Variants in DYNC1I1 observed in about 807,000 individuals in gnomAD.
DYNC1I1 encodes the protein dynein cytoplasmic 1 intermediate chain 1, also known as cytoplasmic dynein 1 intermediate chain 1.
In DYNC1I1, 43 loss-of-function variants were observed where a neutral mutation model predicts 86.6. The ratio of observed to expected loss-of-function variants is 0.50; its 90% CI spans 0.39 to 0.64. The LOEUF (loss-of-function observed/expected upper bound fraction) is 0.64, where lower values mean the gene tolerates loss of function less well. DYNC1I1 is among the 30% of genes least tolerant of loss of function. DYNC1I1 has a pLI of 0.00. For synonymous variants in DYNC1I1, 262 were observed against 283.7 expected, an observed-to-expected ratio of 0.92 and a Z score of 0.77; for missense variants, 604 against 788.8, an observed-to-expected ratio of 0.77 and a Z score of 2.81.
intron 6 of DYNC1I1, among the ~76,000 whole-genome samples, chr7:95,972,148 C>T (rs1793189824): frequency 6.6e-6 from 1 of 152,134 alleles, no homozygotes; most frequent in African/African-American, 2.4e-5. Flanking sequence ...CAGGCATCAT[C>T]TCTGGTGGGA....
intron 14 of DYNC1I1, among the ~76,000 whole-genome samples, chr7:96,053,453 T>G (rs918800834): frequency 6.6e-6 from 1 of 152,188 alleles, no homozygotes; most frequent in Non-Finnish European, 1.5e-5. Context: ...GTTTTTAAAT[T>G]TGGGGGGCCA....
chr7:96,010,174 A>G (rs763402366), intron 10 of DYNC1I1, among the ~76,000 whole-genome samples: 27 of 152,180 alleles, frequency 1.8e-4, no homozygotes, highest in Admixed American at 2.6e-4. Flanking sequence ...GGTCAAAAGC[A>G]AGAATAGGTG....
chr7:95,846,165 T>TTA (rs1789420026), intron 5 of DYNC1I1, among the ~76,000 whole-genome samples: 1 of 152,116 alleles, frequency 6.6e-6, no homozygotes, highest in Non-Finnish European at 1.5e-5. Flanking sequence ...TCATTGTCAT[T>TTA]TATATATATT....
At chr7:95,971,966 T>TG (rs1793184134) in intron 6 of DYNC1I1, among the ~76,000 whole-genome samples, 1 of 152,102 alleles carries the variant, frequency 6.6e-6, no homozygotes, top group Admixed American at 6.6e-5. Flanking sequence ...TCTCATGAAA[T>TG]GTCAGGAGCA....
chr7:96,090,102 G>A (rs1362690638), intron 16 of DYNC1I1, among the ~76,000 whole-genome samples: 1 of 152,066 alleles, frequency 6.6e-6, no homozygotes, highest in Non-Finnish European at 1.5e-5. Flanking sequence ...CAGAGAAATA[G>A]ATTGTTCCAA....
At chr7:95,784,222 A>T (rs1794069490) in intron 1 of DYNC1I1, among the ~76,000 whole-genome samples, 1 of 152,170 alleles carries the variant, frequency 6.6e-6, no homozygotes, top group Admixed American at 6.5e-5. Flanking sequence ...ATTCAGGTCT[A>T]TCGGGGGTAC....
chr7:96,045,585 G>A (rs1584274899), intron 14 of DYNC1I1, among the ~76,000 whole-genome samples: 1 of 152,202 alleles, frequency 6.6e-6, no homozygotes, highest in South Asian at 2.1e-4. Context: ...TGAAGAGCAA[G>A]TGAGAAGCTG....
chr7:96,076,443 AAG>A (rs1790343599), intron 15 of DYNC1I1, among the ~76,000 whole-genome samples: 1 of 152,122 alleles, frequency 6.6e-6, no homozygotes, highest in African/African-American at 2.4e-5. Flanking sequence ...CTTTTTTGCA[AAG>A]AGCAAAACGT....
At chr7:96,034,135 GT>G (rs1794878723) in intron 12 of DYNC1I1, among the ~76,000 whole-genome samples, 1 of 151,902 alleles carries the variant, frequency 6.6e-6, no homozygotes, top group African/African-American at 2.4e-5. Context: ...AGAATACTAC[GT>G]TTTTTTAAAA....
chr7:95,942,362 A>G (rs1792252817), intron 6 of DYNC1I1, among the ~76,000 whole-genome samples: 2 of 152,230 alleles, frequency 1.3e-5, no homozygotes, highest in African/African-American at 4.8e-5. Flanking sequence ...GCAGGCTCTG[A>G]AATTGTGGCT....
At chr7:95,963,147 C>T (rs1017659277) in intron 6 of DYNC1I1, among the ~76,000 whole-genome samples, 8 of 152,130 alleles carry the variant, frequency 5.3e-5, no homozygotes, top group Non-Finnish European at 1.2e-4. Flanking sequence ...TAGGTCCCAC[C>T]ATTCTTCAAA....
intron 16 of DYNC1I1, among the ~76,000 whole-genome samples, chr7:96,081,020 A>T (rs1790502163): frequency 6.8e-6 from 1 of 147,968 alleles, no homozygotes; most frequent in Non-Finnish European, 1.5e-5. Context: ...CAGTGAGCCG[A>T]GATTGCACCA....
At chr7:95,851,297 T>C (rs1444072266) in intron 5 of DYNC1I1, among the ~76,000 whole-genome samples, 2 of 152,118 alleles carry the variant, frequency 1.3e-5, no homozygotes, top group Non-Finnish European at 2.9e-5. Context: ...GTGGGTAGCA[T>C]ATACAGCATG....
chr7:96,080,611 C>G (rs1052499557), intron 16 of DYNC1I1, 123 bp downstream of exon 16: 1 of 1,527,790 alleles, frequency 6.5e-7, no homozygotes, highest in African/African-American at 1.4e-5. Flanking sequence ...TGTAAATTTC[C>G]ATTGACTTCA....
At chr7:95,930,532 G>A (rs991097283) in intron 6 of DYNC1I1, among the ~76,000 whole-genome samples, 2 of 152,162 alleles carry the variant, frequency 1.3e-5, no homozygotes, top group African/African-American at 4.8e-5. Context: ...GTGGAGGGAG[G>A]TCTGGTTGCT....
chr7:95,993,492 A>G (rs1793781087), intron 9 of DYNC1I1, among the ~76,000 whole-genome samples: 1 of 152,222 alleles, frequency 6.6e-6, no homozygotes, highest in Non-Finnish European at 1.5e-5. Flanking sequence ...CACATGTGAC[A>G]TAGTTAAACT....
chr7:95,828,143 TTTTA>T, intron 5 of DYNC1I1, 27 bp downstream of exon 5: 2 of 1,612,350 alleles, frequency 1.2e-6, no homozygotes, highest in Non-Finnish European at 1.7e-6. Context: ...TTGTTACTCC[TTTTA>T]TTATTTCTTT....
intron 10 of DYNC1I1, among the ~76,000 whole-genome samples, chr7:96,004,283 T>A (rs1345389336): frequency 1.3e-5 from 2 of 152,198 alleles, no homozygotes; most frequent in Non-Finnish European, 2.9e-5. Context: ...GTGAAAGATT[T>A]ATCTTCGTTA....
At chr7:96,080,168 C>G (rs555078381) in intron 15 of DYNC1I1, among the ~76,000 whole-genome samples, 195 bp from the exon 16 acceptor site, 7 of 152,204 alleles carry the variant, frequency 4.6e-5, no homozygotes, top group Non-Finnish European at 8.8e-5. Flanking sequence ...AGTGTCTCTT[C>G]TCTCTACCCC....
Sources: gnomAD v4.1 joint callset for allele counts (sites outside exome capture counted in the v4.1 genomes callset) on GRCh38, gnomAD v4.1.1 for gene constraint, MANE v1.5 for transcripts, NCBI Gene and HGNC (gene_info 2026-07-23, HGNC 2026-07-21) for gene names.